The following INTU variants were observed in gnomAD, a reference collection of about 807,000 sequenced individuals.
INTU encodes protein inturned.
A neutral mutation model predicts 100.5 loss-of-function variants in INTU; 68 were observed. That is an observed-to-expected ratio of 0.68 (90% confidence interval 0.56 to 0.83). INTU has a LOEUF of 0.83. INTU is among the 40% of genes least tolerant of loss of function. INTU has a pLI of 0.00. For missense variants in INTU, 1,071 were observed against 1,114.7 expected, an observed-to-expected ratio of 0.96 and a Z score of 0.56; for synonymous variants, 357 against 395.7, an observed-to-expected ratio of 0.90 and a Z score of 1.16.
At chr4:127,635,459 T>C (rs986436799) in intron 1 of INTU, among the ~76,000 whole-genome samples, 8 of 152,200 alleles carry the variant, frequency 5.3e-5, no homozygotes, top group African/African-American at 1.9e-4. Context: ...AGTTTGTCAA[T>C]GTTGTGACTT....
chr4:127,646,377 C>G (rs914674850), intron 2 of INTU, among the ~76,000 whole-genome samples: 11 of 152,014 alleles, frequency 7.2e-5, no homozygotes, highest in African/African-American at 2.7e-4. Flanking sequence ...AACGTGCCCC[C>G]CTTTCAGTGG....
At chr4:127,698,954 T>C (rs1730519115) in intron 8 of INTU, among the ~76,000 whole-genome samples, 2 of 152,014 alleles carry the variant, frequency 1.3e-5, no homozygotes, top group Admixed American at 1.3e-4. Context: ...CACAAATGAG[T>C]AATAACTCAT....
At chr4:127,673,372 A>G (rs1412422844) in intron 5 of INTU, among the ~76,000 whole-genome samples, 6 of 143,758 alleles carry the variant, frequency 4.2e-5, no homozygotes, top group Non-Finnish European at 1.5e-5. Context: ...TTTTTAAGAG[A>G]TGCGGTCTTA....
In INTU at chr4:127,643,852, G is replaced by GATGTGAAT. The variant is rs1694196163; in HGVS notation, c.479_486dup (p.Val163MetfsTer2). On this transcript the variant is annotated frameshift_variant, in exon 2 of 16. Transcript: ENST00000335251. LOFTEE classifies it high-confidence loss of function. Reference sequence around the variant, plus strand: ...AGTCATTGTCCAACAGCGATACAAAGATGTGAATGTTTATGTAAACCCCAA... The same window carrying GATGTGAAT: ...AGTCATTGTCCAACAGCGATACAAAGATGTGAATATGTGAATGTTTATGTAAACCCCAA... 2 of 1,614,066 alleles carry GATGTGAAT rather than the reference G, an allele frequency of 1.2e-6. No homozygotes were observed. The highest frequency in any genetic ancestry group is 4.5e-5 in the East Asian group (2 of 44,886).
intron 6 of INTU, among the ~76,000 whole-genome samples, chr4:127,679,593 C>T (rs1311786570): frequency 6.6e-6 from 1 of 152,114 alleles, no homozygotes; most frequent in African/African-American, 2.4e-5. Flanking sequence ...CTCTGGGACA[C>T]ATTCAAAGCA....
At chr4:127,653,364 TA>T (rs1402497679) in intron 2 of INTU, among the ~76,000 whole-genome samples, 7 of 140,584 alleles carry the variant, frequency 5.0e-5, no homozygotes, top group African/African-American at 1.9e-4. Context: ...CATTTAGTGC[TA>T]TAAATTTCCC....
intron 7 of INTU, chr4:127,685,347 A>G (rs1033011671): frequency 4.8e-6 from 2 of 414,414 alleles, no homozygotes; most frequent in East Asian, 1.5e-4. Flanking sequence ...ATATCAGTAC[A>G]AAAATCCAAA....
chr4:127,696,027 C>G (rs1452774835), intron 8 of INTU, among the ~76,000 whole-genome samples: 1 of 152,150 alleles, frequency 6.6e-6, no homozygotes, highest in African/African-American at 2.4e-5. Context: ...CCTTGCATAC[C>G]TGGGATAAAT....
At chr4:127,661,345 G>A (rs1728467410) in intron 3 of INTU, among the ~76,000 whole-genome samples, 1 of 152,112 alleles carries the variant, frequency 6.6e-6, no homozygotes, top group African/African-American at 2.4e-5. Flanking sequence ...ATTTTTGGTA[G>A]ACTTAAAAAT....
intron 3 of INTU, among the ~76,000 whole-genome samples, chr4:127,660,418 C>G (rs1349559623): frequency 6.6e-6 from 1 of 152,124 alleles, no homozygotes. Flanking sequence ...AGGGAAAGGA[C>G]AACACATGCA....
chr4:127,654,498 A>G (rs1200941524), intron 2 of INTU, among the ~76,000 whole-genome samples: 1 of 152,134 alleles, frequency 6.6e-6, no homozygotes, highest in Non-Finnish European at 1.5e-5. Flanking sequence ...GTTTGGCTGG[A>G]TATGAAATTC....
rs1454308361 is a variant in INTU, at chr4:127,726,409, A to G, written c.*9973A>G. 6.6e-6 allele frequency: 1 copy of G among 152,220 alleles called. No individual in the cohort carries two copies. Among genetic ancestry groups the G allele is most frequent in the African/African-American group, 2.4e-5 (1 of 41,456 alleles). The allele number at this position is 152,220 out of a possible 1,614,324, so 9.4% of individuals were successfully genotyped here. On this transcript the variant is annotated 3_prime_UTR_variant, in exon 16 of 16. Coordinates refer to ENST00000335251, the MANE Select transcript of INTU (RefSeq NM_015693.4). ...GTGCCTGGCACATATTACATGCTAT[A>G]AAAGTGTTAGCTACTACTGCTACCA... is the stretch of plus-strand genomic sequence containing the variant.
At chr4:127,662,504 T>C (rs536190980) in intron 3 of INTU, among the ~76,000 whole-genome samples, 1 of 152,290 alleles carries the variant, frequency 6.6e-6, no homozygotes, top group South Asian at 2.1e-4. Context: ...TGGTACTTCT[T>C]TGAAATGAAC....
At chr4:127,683,409 C>T (rs1384332642) in intron 6 of INTU, among the ~76,000 whole-genome samples, 1 of 152,110 alleles carries the variant, frequency 6.6e-6, no homozygotes, top group Non-Finnish European at 1.5e-5. Context: ...TTTATTCAAA[C>T]TTGGAAATAG....
chr4:127,701,088 C>G (rs1730626817), intron 9 of INTU, among the ~76,000 whole-genome samples: 1 of 152,058 alleles, frequency 6.6e-6, no homozygotes, highest in Admixed American at 6.6e-5. Flanking sequence ...ATATGTTGTT[C>G]CTGATGGAAG....
intron 8 of INTU, among the ~76,000 whole-genome samples, chr4:127,691,166 T>C (rs953134153): frequency 6.6e-6 from 1 of 152,164 alleles, no homozygotes; most frequent in African/African-American, 2.4e-5. Flanking sequence ...AAGTTCCTCT[T>C]TGTCTTTTTA....
rs779318041 is a variant in INTU at position 127,706,494 on chromosome 4, A to G, written c.1796A>G (p.Tyr599Cys). The change falls in exon 12 of 16, where the codon TAT becomes TGT. Residue 599 changes from tyrosine (Y) to cysteine (C), a missense_variant. Coordinates refer to ENST00000335251, the MANE Select transcript of INTU (RefSeq NM_015693.4). ...YFLLVVGLKHYMLCVLLEAGG... is the reference protein window; with the variant it reads ...YFLLVVGLKHCMLCVLLEAGG... ...TAATTTTTTTCCCTATAGAAACATTATATGCTATGTGTACTATTAGAAGCT... is the reference window on the plus strand; with the variant it reads ...TAATTTTTTTCCCTATAGAAACATTGTATGCTATGTGTACTATTAGAAGCT... 3.1e-6 allele frequency: 5 copies of G among 1,606,246 alleles called. No individual in the cohort carries two copies. The highest frequency in any genetic ancestry group is 1.7e-5 in the Admixed American group (1 of 58,758).
Position 127,704,309 on chromosome 4 carries a change from T to A in INTU, c.1566+19T>A. 1 of 1,576,358 alleles carries A rather than the reference T, an allele frequency of 6.3e-7. No homozygotes were observed. The highest frequency in any genetic ancestry group is 8.7e-7 in the Non-Finnish European group (1 of 1,149,292). ...TTACAAGGTAAGTTGAAGCTTGAAGTCTAAATGTCCAGCTGCTGTATAAAG... is the reference window on the plus strand; with the variant it reads ...TTACAAGGTAAGTTGAAGCTTGAAGACTAAATGTCCAGCTGCTGTATAAAG... On this transcript the variant is annotated intron_variant, in intron 10 of 15. Transcript: ENST00000335251.
At chr4:127,687,388 G>T (rs555491910) in intron 7 of INTU, 1 of 177,330 alleles carries the variant, frequency 5.6e-6, no homozygotes, top group South Asian at 1.9e-4. Context: ...TACAAAAAGG[G>T]TACTTCAGCC....
Sources: gnomAD v4.1 joint callset for allele counts (sites outside exome capture counted in the v4.1 genomes callset) on GRCh38, gnomAD v4.1.1 for gene constraint, MANE v1.5 for transcripts, NCBI Gene and HGNC (gene_info 2026-07-23, HGNC 2026-07-21) for gene names.